The following USP49 variants were observed in gnomAD, a reference collection of about 807,000 sequenced individuals.
USP49 encodes the protein ubiquitin carboxyl-terminal hydrolase 49.
USP49 carries 24 observed loss-of-function variants against 58.6 expected under a neutral mutation model. The ratio of observed to expected loss-of-function variants is 0.41; its 90% CI spans 0.30 to 0.58. The LOEUF is 0.58. USP49 is among the 20% of genes least tolerant of loss of function. The pLI, the probability that USP49 is intolerant of heterozygous loss-of-function variation, is 0.30. For missense variants in USP49, 703 were observed against 866.1 expected (o/e 0.81, Z 2.36); for synonymous variants, 408 against 365.1 (o/e 1.12, Z -1.34).
chr6:41,850,609 CTTTT>C (rs1392306401), intron 3 of USP49, among the ~76,000 whole-genome samples: 1 of 141,274 alleles, frequency 7.1e-6, no homozygotes, highest in African/African-American at 2.6e-5. Flanking sequence ...TGGATAAATT[CTTTT>C]TTTTTTTTTT....
At chr6:41,894,695 C>A (rs182705672) in intron 1 of USP49, among the ~76,000 whole-genome samples, 1 of 151,984 alleles carries the variant, frequency 6.6e-6, no homozygotes, top group Non-Finnish European at 1.5e-5. Context: ...CCACCCGCTA[C>A]GAAGATTTCC....
At chr6:41,869,786 C>A (rs1190817062) in intron 3 of USP49, 1 of 151,722 alleles carries the variant, frequency 6.6e-6, no homozygotes, top group Non-Finnish European at 1.5e-5. Context: ...CACAACACAG[C>A]ATTTGACATA....
At chr6:41,872,079 G>A (rs1249267921) in intron 2 of USP49, among the ~76,000 whole-genome samples, 2 of 152,164 alleles carry the variant, frequency 1.3e-5, no homozygotes, top group Non-Finnish European at 2.9e-5. Context: ...GTGCTAAGTG[G>A]GTTTATGACC....
At chr6:41,840,121 TC>T (rs960951758) in intron 3 of USP49, among the ~76,000 whole-genome samples, 23 of 151,938 alleles carry the variant, frequency 1.5e-4, no homozygotes, top group Admixed American at 4.6e-4. Flanking sequence ...ATGCCTGTAA[TC>T]CCAGCACTTT....
intron 2 of USP49, among the ~76,000 whole-genome samples, chr6:41,889,776 T>C (rs1051156689): frequency 8.5e-5 from 13 of 152,364 alleles, no homozygotes; most frequent in African/African-American, 3.1e-4. Context: ...TCTCCCCTTT[T>C]CTTCTTTAAA....
intron 3 of USP49, chr6:41,868,649 G>A (rs1430457879): frequency 6.6e-6 from 1 of 151,568 alleles, no homozygotes; most frequent in Non-Finnish European, 1.5e-5. Context: ...TTATATTTTA[G>A]CCTTCTAAAA....
chr6:41,815,989 C>G (rs559993381), intron 3 of USP49, among the ~76,000 whole-genome samples: 1 of 152,198 alleles, frequency 6.6e-6, no homozygotes, highest in Non-Finnish European at 1.5e-5. Flanking sequence ...ACTGGTTTGC[C>G]CATGGAAAGG....
At chr6:41,800,236 G>A (rs1271560451) in intron 5 of USP49, among the ~76,000 whole-genome samples, 1 of 152,178 alleles carries the variant, frequency 6.6e-6, no homozygotes, top group Non-Finnish European at 1.5e-5. Context: ...ATCTGAAACT[G>A]CTGGAATTCC....
intron 3 of USP49, among the ~76,000 whole-genome samples, chr6:41,809,258 C>T (rs990636066): frequency 6.6e-6 from 1 of 151,122 alleles, no homozygotes; most frequent in Non-Finnish European, 1.5e-5. Flanking sequence ...TGCGGTGGCT[C>T]ATGCCTGTAA....
rs1772767591 is a variant in USP49 at position 41,790,032 on chromosome 6, G to A, written c.*6501C>T. ...GCCCCAAAACATGGATTTTAATGGA[G>A]GTGGTTTGCTTCATTTTAAAAGGGA... On this transcript the variant is annotated 3_prime_UTR_variant, in exon 8 of 8. Coordinates refer to ENST00000682992, the MANE Select transcript of USP49 (RefSeq NM_001286554.2). 6.6e-6 allele frequency: 1 copy of A among 151,894 alleles called. No individual in the cohort carries two copies. Among genetic ancestry groups the A allele is most frequent in the Non-Finnish European group, 1.5e-5 (1 of 68,010 alleles). 9.4% of individuals were successfully genotyped at this position (151,894 alleles called of 1,614,324 possible). A position where few individuals can be genotyped will look rare whatever the true frequency, so the allele number is the denominator to read the frequency against.
intron 3 of USP49, among the ~76,000 whole-genome samples, chr6:41,847,255 A>G (rs1357544636): frequency 6.6e-6 from 1 of 152,242 alleles, no homozygotes; most frequent in East Asian, 1.9e-4. Flanking sequence ...TAGATGCTCA[A>G]TGAGCTAGAA....
chr6:41,793,048 C>T lies in USP49; in HGVS notation c.*3485G>A, dbSNP rs1772825016. On this transcript the variant is annotated 3_prime_UTR_variant, in exon 8 of 8. Coordinates refer to ENST00000682992, the MANE Select transcript of USP49 (RefSeq NM_001286554.2). ...GGGGCATGCCCCACTGTCAGCCAAT[C>T]CACCTCATTGGTTCTTCCCTTGTAC... The T allele has an allele frequency of 6.7e-6, 1 of 148,582 alleles. No homozygotes were observed. Among genetic ancestry groups the T allele is most frequent in the East Asian group, 2.1e-4 (1 of 4,750 alleles). 9.2% of individuals were successfully genotyped at this position (148,582 alleles called of 1,614,324 possible).
Position 41,858,650 on chromosome 6 carries a change from G to GT in USP49, c.-29+12913dup, listed in dbSNP as rs143236388. ...TCTCATCTCAGAACTGTGCAATTCTGTTTTTTTTTTCTGCCTAGAATGCTC... is the reference window on the plus strand; with the variant it reads ...TCTCATCTCAGAACTGTGCAATTCTGTTTTTTTTTTTCTGCCTAGAATGCTC... On this transcript the variant is annotated intron_variant, in intron 3 of 7. Transcript: ENST00000682992. Among the ~76,000 whole-genome samples, 1,068 of 147,924 alleles carry GT rather than the reference G, an allele frequency of 7.2e-3. 8 individuals are homozygous for GT. Among genetic ancestry groups the GT allele is most frequent in the African/African-American group, 0.023 (919 of 40,400 alleles).
intron 3 of USP49, among the ~76,000 whole-genome samples, chr6:41,821,503 T>C (rs1258493977): frequency 6.6e-6 from 1 of 152,234 alleles, no homozygotes; most frequent in Non-Finnish European, 1.5e-5. Flanking sequence ...CCGGGCATGG[T>C]AGCTCACGCC....
chr6:41,819,543 T>C (rs773690334), intron 3 of USP49, among the ~76,000 whole-genome samples: 3 of 152,198 alleles, frequency 2.0e-5, no homozygotes, highest in Non-Finnish European at 4.4e-5. Context: ...CCTTGACATA[T>C]GTGTGGTTTA....
chr6:41,820,381 C>T (rs1582002229), intron 3 of USP49, among the ~76,000 whole-genome samples: 1 of 152,224 alleles, frequency 6.6e-6, no homozygotes, highest in East Asian at 1.9e-4. Flanking sequence ...TCCCTACCAC[C>T]ACCCTTAGTC....
Position 41,791,001 on chromosome 6 carries a change from C to G in USP49, c.*5532G>C, listed in dbSNP as rs1423265818. On this transcript the variant is annotated 3_prime_UTR_variant, in exon 8 of 8. Transcript: ENST00000682992. ...ATTTAGACCTGCATCAGATCACTTGCTAAGACAAGAAATACCAGCACCTCC... is the reference window on the plus strand; with the variant it reads ...ATTTAGACCTGCATCAGATCACTTGGTAAGACAAGAAATACCAGCACCTCC... 1 of 152,122 alleles carries G rather than the reference C, an allele frequency of 6.6e-6. No individual in the cohort carries two copies. Among genetic ancestry groups the G allele is most frequent in the African/African-American group, 2.4e-5 (1 of 41,424 alleles). The allele number at this position is 152,122 out of a possible 1,614,324, so 9.4% of individuals were successfully genotyped here. A position where few individuals can be genotyped will look rare whatever the true frequency, so the allele number is the denominator to read the frequency against.
rs1772939184 is a variant in USP49, at chr6:41,798,796, C to G, written c.1804G>C (p.Ala602Pro). 6.2e-7 allele frequency: 1 copy of G among 1,613,812 alleles called. No individual in the cohort carries two copies. Among genetic ancestry groups the G allele is most frequent in the Admixed American group, 1.7e-5 (1 of 59,966 alleles). The change falls in exon 7 of 8, where the codon GCA becomes CCA. Residue 602 changes from alanine (A) to proline (P), a missense_variant. Around this residue, in one of 6 missense-constraint regions of USP49, gnomAD observed 158 missense variants for 241.2 expected, o/e 0.66. Transcript: ENST00000682992. ...CCTTTCCCGTGATGCATGACCACTG[C>G]GGAGAGATCATAGGCAAAGGTCTCT... is the stretch of plus-strand genomic sequence containing the variant. Reference protein sequence around the residue: ...DKETFAYDLSAVVMHHGKGFG... With the variant: ...DKETFAYDLSPVVMHHGKGFG...
chr6:41,865,245 A>ATGTT (rs1774290547), intron 3 of USP49, among the ~76,000 whole-genome samples: 1 of 152,202 alleles, frequency 6.6e-6, no homozygotes, highest in Non-Finnish European at 1.5e-5. Flanking sequence ...GGGTTTCACC[A>ATGTT]TGTTGGCCAG....
Sources: allele counts gnomAD v4.1 joint callset (sites outside exome capture counted in the v4.1 genomes callset), GRCh38; gene constraint gnomAD v4.1.1; regional missense constraint gnomAD v4.1.1; transcripts MANE v1.5; gene names NCBI Gene and HGNC (gene_info 2026-07-23, HGNC 2026-07-21).